The following CNTNAP2 variants were observed in gnomAD, a reference collection of about 807,000 sequenced individuals.
CNTNAP2 encodes contactin-associated protein-like 2.
A neutral mutation model predicts 155.2 loss-of-function variants in CNTNAP2; 98 were observed. The observed-to-expected ratio is 0.63, with a 90% confidence interval of 0.54 to 0.75. The LOEUF (loss-of-function observed/expected upper bound fraction) is 0.75, where lower values mean the gene tolerates loss of function less well. Among genes scored for constraint, CNTNAP2 ranks in the 30% least tolerant of loss-of-function variants. CNTNAP2 has a pLI of 0.00. For synonymous variants in CNTNAP2, 651 were observed against 631.2 expected (o/e 1.03, Z -0.47); for missense variants, 1,727 against 1,688.1 (o/e 1.02, Z -0.40).
At chr7:148,081,889 G>C (rs908613887) in intron 15 of CNTNAP2, among the ~76,000 whole-genome samples, 5 of 152,132 alleles carry the variant, frequency 3.3e-5, no homozygotes, top group Admixed American at 6.6e-5. Context: ...TGGAGGAGTT[G>C]GTTATGGAAA....
chr7:147,752,070 G>A (rs1406022244), intron 13 of CNTNAP2, among the ~76,000 whole-genome samples: 1 of 152,214 alleles, frequency 6.6e-6, no homozygotes, highest in Non-Finnish European at 1.5e-5. Flanking sequence ...AGTGACTACT[G>A]TGGAGCATGT....
chr7:146,454,803 T>A (rs1265070103), intron 1 of CNTNAP2, among the ~76,000 whole-genome samples: 1 of 152,016 alleles, frequency 6.6e-6, no homozygotes, highest in Non-Finnish European at 1.5e-5. Flanking sequence ...AATTAATTGT[T>A]TTGGAAAAAT....
intron 15 of CNTNAP2, among the ~76,000 whole-genome samples, chr7:148,064,471 T>A (rs1402168683): frequency 1.3e-5 from 2 of 151,970 alleles, no homozygotes; most frequent in Non-Finnish European, 2.9e-5. Flanking sequence ...AAAGAGGAAG[T>A]CAAACTGTTG....
At position 146,617,545 on chromosome 7, in the gene CNTNAP2, TCTTC is replaced by T. The variant is rs143891850; in HGVS notation, c.98-156722_98-156719del. ...AATAGCCATTTCTAGGAAATAAACT[TCTTC>T]CTTAAATAAATATCAAAGTTACACT... On this transcript the variant is annotated intron_variant, in intron 1 of 23. Transcript: ENST00000361727. 5.5e-3 allele frequency among the ~76,000 whole-genome samples: 836 copies of T among 152,324 alleles called. 3 individuals carry two copies. The highest frequency in any genetic ancestry group is 0.018 in the African/African-American group (751 of 41,578).
At chr7:146,579,308 A>T (rs1798573821) in intron 1 of CNTNAP2, among the ~76,000 whole-genome samples, 1 of 152,144 alleles carries the variant, frequency 6.6e-6, no homozygotes, top group Non-Finnish European at 1.5e-5. Context: ...CTATAGAGGA[A>T]AGATATGATA....
chr7:146,968,487 A>G (rs1797708539), intron 3 of CNTNAP2, among the ~76,000 whole-genome samples: 1 of 152,100 alleles, frequency 6.6e-6, no homozygotes, highest in East Asian at 1.9e-4. Context: ...ACAATTTCAG[A>G]GCCTGTTATT....
intron 1 of CNTNAP2, among the ~76,000 whole-genome samples, chr7:146,209,496 A>G (rs762085724): frequency 5.3e-5 from 8 of 152,218 alleles, no homozygotes; most frequent in Non-Finnish European, 1.0e-4. Context: ...TTAAGGCTGC[A>G]CTTTTATAGA....
intron 14 of CNTNAP2, among the ~76,000 whole-genome samples, chr7:147,911,865 C>A (rs1475466815): frequency 6.6e-6 from 1 of 152,154 alleles, no homozygotes; most frequent in Non-Finnish European, 1.5e-5. Flanking sequence ...CCAAGGGACA[C>A]TTTTATTTCC....
At position 147,220,553 on chromosome 7, in the gene CNTNAP2, G is replaced by T. The variant is rs115840532; in HGVS notation, c.1349-79588G>T. 2.6e-3 allele frequency among the ~76,000 whole-genome samples: 402 copies of T among 152,260 alleles called. 1 individual carries two copies. The highest frequency in any genetic ancestry group is 9.0e-3 in the African/African-American group (376 of 41,552). ...AATTGATATAGTTGAAGAATTAATA[G>T]TGATATAATTGGATTAATATTTAGT... is the stretch of plus-strand genomic sequence containing the variant. On this transcript the variant is annotated intron_variant, in intron 8 of 23. Transcript: ENST00000361727.
rs141283675 is a variant in CNTNAP2 at position 146,667,388 on chromosome 7, T to C, written c.98-106883T>C. 2.2e-3 allele frequency among the ~76,000 whole-genome samples: 330 copies of C among 152,258 alleles called. 1 individual carries two copies. The highest frequency in any genetic ancestry group is 7.6e-3 in the African/African-American group (317 of 41,582). On this transcript the variant is annotated intron_variant, in intron 1 of 23. Coordinates refer to ENST00000361727, the MANE Select transcript of CNTNAP2 (RefSeq NM_014141.6). Reference sequence around the variant, plus strand: ...TGCTGTTTTGGTTACTATGGCTTTGTAGTATATTTTTAAATCTGGTAATAT... The same window carrying C: ...TGCTGTTTTGGTTACTATGGCTTTGCAGTATATTTTTAAATCTGGTAATAT...
At chr7:148,166,824 T>C (rs1288039335) in intron 17 of CNTNAP2, among the ~76,000 whole-genome samples, 1 of 152,194 alleles carries the variant, frequency 6.6e-6, no homozygotes, top group African/African-American at 2.4e-5. Flanking sequence ...TGAAGACCTA[T>C]AATTTAAACT....
At chr7:147,615,603 G>T (rs1179530015) in intron 12 of CNTNAP2, among the ~76,000 whole-genome samples, 1 of 151,990 alleles carries the variant, frequency 6.6e-6, no homozygotes, top group Non-Finnish European at 1.5e-5. Flanking sequence ...ATCTTTATTG[G>T]ATCATTCTTA....
chr7:148,363,018 G>A (rs962477853), intron 21 of CNTNAP2, among the ~76,000 whole-genome samples: 26 of 151,466 alleles, frequency 1.7e-4, no homozygotes, highest in Non-Finnish European at 4.4e-5. Context: ...TTCGCTTTTT[G>A]TTGCCCAGGC....
rs112880018 is a variant in CNTNAP2, at chr7:146,539,645, A to G, written c.98-234626A>G. Among the ~76,000 whole-genome samples, 1,106 of 152,196 alleles carry G rather than the reference A, an allele frequency of 7.3e-3. 11 individuals are homozygous for G. The highest frequency in any genetic ancestry group is 0.025 in the African/African-American group (1,035 of 41,514). ...TTCTTTTAACCTGATTTCTATCAAG[A>G]TGCTGAAGAACTGTAGATTTAGATA... On this transcript the variant is annotated intron_variant, in intron 1 of 23. Coordinates refer to ENST00000361727, the MANE Select transcript of CNTNAP2 (RefSeq NM_014141.6).
intron 1 of CNTNAP2, among the ~76,000 whole-genome samples, chr7:146,463,794 T>G (rs183659571): frequency 1.3e-5 from 2 of 151,998 alleles, no homozygotes; most frequent in Admixed American, 1.3e-4. Flanking sequence ...TCTAATATAG[T>G]GTTAACAAGT....
intron 9 of CNTNAP2, among the ~76,000 whole-genome samples, chr7:147,345,307 G>A (rs1049905127): frequency 3.3e-5 from 5 of 152,014 alleles, no homozygotes; most frequent in Admixed American, 6.6e-5. Context: ...AATCTATTTC[G>A]ATAAGATAGT....
rs557447075 is a variant in CNTNAP2, at chr7:146,521,171, C to G, written c.98-253100C>G. Among the ~76,000 whole-genome samples, 4 of 151,850 alleles carry G rather than the reference C, an allele frequency of 2.6e-5. No individual in the cohort carries two copies. In the East Asian group the frequency reaches 7.7e-4, roughly 29 times the overall value. ...TTGCCAAGCCTTTCCTATATAGAAC[C>G]AAAGAGTAAATATTTTAAGCTCTTT... is the stretch of plus-strand genomic sequence containing the variant. On this transcript the variant is annotated intron_variant, in intron 1 of 23. Transcript: ENST00000361727.
chr7:147,395,968 GAT>G (rs1319340714), intron 10 of CNTNAP2, among the ~76,000 whole-genome samples, 188 bp downstream of exon 10: 5 of 148,908 alleles, frequency 3.4e-5, no homozygotes, highest in Non-Finnish European at 4.5e-5. Flanking sequence ...TTTTTATGTG[GAT>G]ATATATATCA....
chr7:146,491,685 A>C (rs1797141922), intron 1 of CNTNAP2, among the ~76,000 whole-genome samples: 1 of 152,168 alleles, frequency 6.6e-6, no homozygotes, highest in South Asian at 2.1e-4. Context: ...CAGTGCTGTT[A>C]GTGAATCTTC....
Sources: gnomAD v4.1 joint callset for allele counts (sites outside exome capture counted in the v4.1 genomes callset) on GRCh38, gnomAD v4.1.1 for gene constraint, MANE v1.5 for transcripts, NCBI Gene and HGNC (gene_info 2026-07-23, HGNC 2026-07-21) for gene names.